The following RBMS1 variants were observed in gnomAD, a reference collection of about 807,000 sequenced individuals.
RBMS1 encodes the protein RNA-binding motif, single-stranded-interacting protein 1.
RBMS1 carries 17 observed loss-of-function variants against 62.3 expected under a neutral mutation model. The observed-to-expected ratio is 0.27, with a 90% CI of 0.19 to 0.41. RBMS1 has a LOEUF of 0.41. RBMS1 is among the 10% of genes least tolerant of loss of function. The pLI, the probability that RBMS1 is intolerant of heterozygous loss-of-function variation, is 1.00. For synonymous variants in RBMS1, 172 were observed against 170.0 expected (o/e 1.01, Z -0.09); for missense variants, 334 against 504.5 (o/e 0.66, Z 3.24).
At chr2:160,282,305 C>A in intron 9 of RBMS1, 1 of 1,367,902 alleles carries the variant, frequency 7.3e-7, no homozygotes, top group Non-Finnish European at 9.8e-7. Context: ...CCTTTGCCAC[C>A]TAAGGCAGAC....
intron 1 of RBMS1, among the ~76,000 whole-genome samples, chr2:160,483,414 A>G (rs974451833): frequency 7.9e-5 from 12 of 152,226 alleles, no homozygotes; most frequent in Non-Finnish European, 1.8e-4. Context: ...ACTTTTGTTC[A>G]AAGTATTACA....
chr2:160,407,312 T>C (rs1055225123), intron 1 of RBMS1, among the ~76,000 whole-genome samples: 2 of 151,028 alleles, frequency 1.3e-5, no homozygotes, highest in African/African-American at 4.9e-5. Flanking sequence ...CCTGCTCAGG[T>C]CGCCGGCCGA....
intron 2 of RBMS1, among the ~76,000 whole-genome samples, chr2:160,363,245 A>G (rs947082975): frequency 3.9e-5 from 6 of 152,182 alleles, no homozygotes; most frequent in Admixed American, 3.9e-4. Flanking sequence ...CTGGGTGACA[A>G]ATCTGTTTAA....
intron 1 of RBMS1, among the ~76,000 whole-genome samples, chr2:160,395,888 C>T (rs921481756): frequency 1.2e-4 from 19 of 152,150 alleles, no homozygotes; most frequent in Non-Finnish European, 2.6e-4. Flanking sequence ...TAACCGTAGG[C>T]TTTCCTTGAC....
chr2:160,459,939 C>T (rs1422010457), intron 1 of RBMS1, among the ~76,000 whole-genome samples: 1 of 152,122 alleles, frequency 6.6e-6, no homozygotes, highest in African/African-American at 2.4e-5. Context: ...GCCTGCTGAG[C>T]CAGGGGAGGA....
At chr2:160,372,929 C>A (rs555333637) in intron 1 of RBMS1, among the ~76,000 whole-genome samples, 1 of 152,110 alleles carries the variant, frequency 6.6e-6, no homozygotes, top group East Asian at 1.9e-4. Context: ...CCCCTTTACA[C>A]AGCCAGTGTG....
intron 2 of RBMS1, among the ~76,000 whole-genome samples, chr2:160,347,462 G>A (rs1311696366): frequency 6.6e-6 from 1 of 152,156 alleles, no homozygotes; most frequent in Non-Finnish European, 1.5e-5. Flanking sequence ...GATATCCAGT[G>A]ATGTAAGAGA....
chr2:160,302,865 G>A (rs1689289636), intron 5 of RBMS1: 1 of 151,424 alleles, frequency 6.6e-6, no homozygotes, highest in Admixed American at 6.6e-5. Context: ...TGTCATATCT[G>A]TGTGGTGGTT....
chr2:160,398,742 T>C (rs1290866325), intron 1 of RBMS1, among the ~76,000 whole-genome samples: 1 of 152,194 alleles, frequency 6.6e-6, no homozygotes, highest in Non-Finnish European at 1.5e-5. Flanking sequence ...TTTTTCCTCA[T>C]CACTGAGCCC....
At chr2:160,454,745 A>G (rs1391754501) in intron 1 of RBMS1, among the ~76,000 whole-genome samples, 1 of 152,208 alleles carries the variant, frequency 6.6e-6, no homozygotes, top group Non-Finnish European at 1.5e-5. Flanking sequence ...AGGCACCAGT[A>G]AGTCACTAAG....
At chr2:160,486,270 T>A (rs985101072) in intron 1 of RBMS1, among the ~76,000 whole-genome samples, 1 of 152,162 alleles carries the variant, frequency 6.6e-6, no homozygotes, top group Non-Finnish European at 1.5e-5. Context: ...GCAATTTGAT[T>A]CCCTGTCCTC....
chr2:160,335,624 T>C (rs933126205), intron 2 of RBMS1, among the ~76,000 whole-genome samples: 2 of 152,230 alleles, frequency 1.3e-5, no homozygotes, highest in African/African-American at 4.8e-5. Context: ...TCGTAGAATC[T>C]TGGCTAATTG....
rs1276273020 is a variant in RBMS1, at chr2:160,272,295, C to G, written c.*2477G>C. Reference sequence around the variant, plus strand: ...AAGAAAACTACAGAGTTATCTTGAACCGGACAAATAAGTTACCACTGGCAA... The same window carrying G: ...AAGAAAACTACAGAGTTATCTTGAAGCGGACAAATAAGTTACCACTGGCAA... On this transcript the variant is annotated 3_prime_UTR_variant, in exon 14 of 14. Transcript: ENST00000348849. 1 of 152,068 alleles carries G rather than the reference C, an allele frequency of 6.6e-6. No individual in the cohort carries two copies. Among genetic ancestry groups the G allele is most frequent in the Non-Finnish European group, 1.5e-5 (1 of 68,020 alleles). The allele number at this position is 152,068 out of a possible 1,614,324, so 9.4% of individuals were successfully genotyped here. A position where few individuals can be genotyped will look rare whatever the true frequency, so the allele number is the denominator to read the frequency against.
Position 160,300,850 on chromosome 2 carries a change from G to A in RBMS1, c.561-120C>T, listed in dbSNP as rs988192332. 6 of 1,145,656 alleles carry A rather than the reference G, an allele frequency of 5.2e-6. No homozygotes were observed. In the African/African-American group the frequency reaches 8.0e-5, roughly 15 times the overall value. 71.0% of individuals were successfully genotyped at this position (1,145,656 alleles called of 1,614,324 possible). A position where few individuals can be genotyped will look rare whatever the true frequency, so the allele number is the denominator to read the frequency against. ...GATATAAATGAAACCTAGTAAAAATGTGAATATGATAAAGGGTCTATTCTA... is the reference window on the plus strand; with the variant it reads ...GATATAAATGAAACCTAGTAAAAATATGAATATGATAAAGGGTCTATTCTA... On this transcript the variant is annotated intron_variant, in intron 5 of 13. Transcript: ENST00000348849.
At chr2:160,483,022 C>G (rs1256829457) in intron 1 of RBMS1, among the ~76,000 whole-genome samples, 2 of 151,212 alleles carry the variant, frequency 1.3e-5, no homozygotes, top group Admixed American at 6.6e-5. Flanking sequence ...AAAAGAACAC[C>G]AGATATCACC....
intron 5 of RBMS1, chr2:160,302,714 G>A (rs4547489): frequency 0.55 from 82,723 of 150,500 alleles, 23,228 homozygotes; most frequent in Admixed American, 0.66. Context: ...TCGCCACGCC[G>A]GCCAGGTAGG....
At chr2:160,400,271 G>C (rs1249298856) in intron 1 of RBMS1, among the ~76,000 whole-genome samples, 1 of 150,516 alleles carries the variant, frequency 6.6e-6, no homozygotes, top group Non-Finnish European at 1.5e-5. Flanking sequence ...CTTTCAAAAA[G>C]GGAAAAGCTT....
chr2:160,322,714 A>AT (rs1690643072), intron 2 of RBMS1, among the ~76,000 whole-genome samples: 1 of 152,130 alleles, frequency 6.6e-6, no homozygotes. Flanking sequence ...ACTCAATTAT[A>AT]CCACTTCCAG....
chr2:160,349,001 A>C (rs1257680352), intron 2 of RBMS1, among the ~76,000 whole-genome samples: 1 of 152,126 alleles, frequency 6.6e-6, no homozygotes, highest in Non-Finnish European at 1.5e-5. Flanking sequence ...TAGAAAGATG[A>C]AGAGAAATCC....
Sources: gnomAD v4.1 joint callset for allele counts (sites outside exome capture counted in the v4.1 genomes callset) on GRCh38, gnomAD v4.1.1 for gene constraint, MANE v1.5 for transcripts, NCBI Gene and HGNC (gene_info 2026-07-23, HGNC 2026-07-21) for gene names.